AKAP19: variants seen among roughly 807,000 people sequenced by gnomAD.
AKAP19 encodes small A-kinase anchoring protein.
chr2:190,129,673 T>C, the AKAP19 span, among the ~76,000 whole-genome samples: 2 of 152,058 alleles, frequency 1.3e-5, no homozygotes, highest in Non-Finnish European at 2.9e-5. Context: ...GGCAATAATA[T>C]TAGCAAGTAA....
chr2:189,969,363 C>T, the AKAP19 span, among the ~76,000 whole-genome samples: 1 of 152,294 alleles, frequency 6.6e-6, no homozygotes, highest in Middle Eastern at 3.4e-3. Context: ...TTGGAATTCT[C>T]AGCCTCAAGA....
chr2:190,091,546 A>AC, the AKAP19 span, among the ~76,000 whole-genome samples: 6 of 140,546 alleles, frequency 4.3e-5, no homozygotes, highest in Non-Finnish European at 7.6e-5. Flanking sequence ...CTCTTTTGTT[A>AC]AACACACACA....
the AKAP19 span, among the ~76,000 whole-genome samples, chr2:189,947,495 A>C: frequency 2.0e-5 from 3 of 152,278 alleles, no homozygotes; most frequent in South Asian, 6.2e-4. Context: ...TGAAAAGGCA[A>C]TAATGACACT....
the AKAP19 span, among the ~76,000 whole-genome samples, chr2:189,940,505 T>C: frequency 2.0e-5 from 3 of 151,960 alleles, no homozygotes; most frequent in East Asian, 5.8e-4. Context: ...CTACAAGATA[T>C]AGAAAATTAC....
At chr2:190,116,076 A>G in the AKAP19 span, among the ~76,000 whole-genome samples, 1 of 152,244 alleles carries the variant, frequency 6.6e-6, no homozygotes, top group East Asian at 1.9e-4. Flanking sequence ...GAAGAGGTAT[A>G]TTCTCACTCC....
the AKAP19 span, among the ~76,000 whole-genome samples, chr2:190,171,303 A>C: frequency 1.3e-5 from 2 of 152,196 alleles, no homozygotes; most frequent in Admixed American, 1.3e-4. Flanking sequence ...GGAAGGCCTG[A>C]AAATGAAGCC....
the AKAP19 span, among the ~76,000 whole-genome samples, chr2:189,981,751 T>C: frequency 7.0e-4 from 107 of 152,336 alleles, 1 homozygote; most frequent in Middle Eastern, 3.4e-3. Flanking sequence ...CTCTAGAATA[T>C]GTTTATGAAG....
chr2:189,928,715 C>A, the AKAP19 span, among the ~76,000 whole-genome samples: 1 of 152,048 alleles, frequency 6.6e-6, no homozygotes, highest in African/African-American at 2.4e-5. Context: ...TTACAAAGTA[C>A]TTAAGAGATA....
chr2:190,023,208 T>C, the AKAP19 span, among the ~76,000 whole-genome samples: 1 of 152,278 alleles, frequency 6.6e-6, no homozygotes, highest in East Asian at 1.9e-4. Context: ...AAATTATGTG[T>C]TTTTATAAAC....
the AKAP19 span, among the ~76,000 whole-genome samples, chr2:190,168,277 A>G: frequency 6.6e-6 from 1 of 152,154 alleles, no homozygotes; most frequent in African/African-American, 2.4e-5. Context: ...CAGGGCACCA[A>G]GTCTCTAGAC....
chr2:189,933,360 A>T, the AKAP19 span, among the ~76,000 whole-genome samples: 3 of 150,832 alleles, frequency 2.0e-5, no homozygotes, highest in Admixed American at 6.6e-5. Flanking sequence ...CACACTTAAT[A>T]CTCAGTAAAT....
At chr2:190,108,787 T>TG in the AKAP19 span, among the ~76,000 whole-genome samples, 30 of 150,756 alleles carry the variant, frequency 2.0e-4, no homozygotes, top group Non-Finnish European at 2.8e-4. Flanking sequence ...TTTGCGGTTT[T>TG]TTTTTTTTTT....
At chr2:189,938,152 A>G in the AKAP19 span, among the ~76,000 whole-genome samples, 2 of 152,100 alleles carry the variant, frequency 1.3e-5, no homozygotes, top group Non-Finnish European at 2.9e-5. Context: ...CCTGGGCAAC[A>G]TGGTGAACCC....
At chr2:189,994,873 A>G in the AKAP19 span, among the ~76,000 whole-genome samples, 2 of 152,230 alleles carry the variant, frequency 1.3e-5, no homozygotes, top group African/African-American at 2.4e-5. Flanking sequence ...TGTTGGGATT[A>G]CAGGCGTGAG....
the AKAP19 span, among the ~76,000 whole-genome samples, chr2:189,926,585 CTTTTTT>C: frequency 1.4e-5 from 1 of 72,410 alleles, no homozygotes; most frequent in Admixed American, 1.8e-4. Flanking sequence ...CGCGCCCGGC[CTTTTTT>C]TTTTTTTTTT....
the AKAP19 span, chr2:189,930,403 C>T: frequency 2.0e-5 from 6 of 306,358 alleles, no homozygotes; most frequent in South Asian, 4.2e-5. Flanking sequence ...TGGGGCTGGG[C>T]GCGGTGGCTT....
chr2:190,114,314 A>G, the AKAP19 span, among the ~76,000 whole-genome samples: 10 of 152,022 alleles, frequency 6.6e-5, 1 homozygote, highest in Admixed American at 1.3e-4. Context: ...CTCACTGCCT[A>G]CTCCTGGATT....
chr2:190,199,679 C>T, the AKAP19 span: 5 of 1,402,070 alleles, frequency 3.6e-6, no homozygotes, highest in South Asian at 6.7e-5. Flanking sequence ...CAAAATGAAA[C>T]CTACCTTCTC....
chr2:190,069,175 T>TGTGTGAGA, the AKAP19 span, among the ~76,000 whole-genome samples: 239 of 123,518 alleles, frequency 1.9e-3, 1 homozygote, highest in East Asian at 3.9e-3. Context: ...TGTGTGTGTG[T>TGTGTGAGA]GAGAGAGAGA....
Sources: allele counts gnomAD v4.1 joint callset (sites outside exome capture counted in the v4.1 genomes callset), GRCh38; gene constraint gnomAD v4.1.1; transcripts MANE v1.5; gene names NCBI Gene and HGNC (gene_info 2026-07-23, HGNC 2026-07-21).